Variants in COL12A1 observed in about 807,000 individuals in gnomAD.
The protein encoded by COL12A1 is collagen type XII alpha 1 chain.
In COL12A1, 114 loss-of-function variants were observed where a neutral mutation model predicts 349.7. The ratio of observed to expected loss-of-function variants is 0.33; its 90% CI spans 0.28 to 0.38. COL12A1 has a LOEUF of 0.38. Among genes scored for constraint, COL12A1 ranks in the 10% least tolerant of loss-of-function variants. The pLI, the probability that COL12A1 is intolerant of heterozygous loss-of-function variation, is 1.00. For synonymous variants in COL12A1, 1,369 were observed against 1,329.0 expected (o/e 1.03, Z -0.66); for missense variants, 3,284 against 3,756.9 (o/e 0.87, Z 3.29).
At position 75,204,932 on chromosome 6, in the gene COL12A1, C is replaced by A. The variant is rs374997949; in HGVS notation, c.-36+845G>T. On this transcript the variant is annotated intron_variant, in intron 1 of 65. Transcript: ENST00000322507. ...CACTAGAAGACTACAGAGTCCGGAT[C>A]GAGAGTCTCCCTGGCCCAGAGTCCC... Among the ~76,000 whole-genome samples, 15 of 152,174 alleles carry A rather than the reference C, an allele frequency of 9.9e-5. No homozygotes were observed. The South Asian group carries it at 1.9e-3, about 19-fold the overall frequency.
chr6:75,142,372 T>C (rs1259760305), intron 26 of COL12A1, among the ~76,000 whole-genome samples: 3 of 152,202 alleles, frequency 2.0e-5, no homozygotes, highest in African/African-American at 7.2e-5. Context: ...ATATGGCACA[T>C]GACTCTCTAG....
chr6:75,197,521 A>G (rs556051431), intron 2 of COL12A1, among the ~76,000 whole-genome samples: 42 of 152,186 alleles, frequency 2.8e-4, no homozygotes, highest in Middle Eastern at 3.4e-3. Context: ...CATGTTGGTC[A>G]GGCTGCTCTT....
rs1767940996 is a variant in COL12A1, at chr6:75,095,090, T to C, written c.8649+18A>G. The C allele has an allele frequency of 1.9e-6, 3 of 1,612,142 alleles. No homozygotes were observed. Among genetic ancestry groups the C allele is most frequent in the South Asian group, 2.2e-5 (2 of 90,818 alleles). Reference sequence around the variant, plus strand: ...ACGGTGAAACCACTGTCAGTAGACATGCAAGCTGTCCGCTTACTGGTCTGC... The same window carrying C: ...ACGGTGAAACCACTGTCAGTAGACACGCAAGCTGTCCGCTTACTGGTCTGC... On this transcript the variant is annotated intron_variant, in intron 60 of 65. Transcript: ENST00000322507.
intron 13 of COL12A1, among the ~76,000 whole-genome samples, chr6:75,173,412 T>G (rs762694879): frequency 6.6e-6 from 1 of 152,206 alleles, no homozygotes; most frequent in Non-Finnish European, 1.5e-5. Flanking sequence ...GTTTCATTCT[T>G]GTTGCCCAGC....
intron 21 of COL12A1, among the ~76,000 whole-genome samples, chr6:75,148,866 G>A (rs1767337139): frequency 6.6e-6 from 1 of 152,160 alleles, no homozygotes; most frequent in Admixed American, 6.5e-5. Context: ...TAAGTCCCAA[G>A]TGTTGTGGGA....
At position 75,124,821 on chromosome 6, in the gene COL12A1, C is replaced by T. The variant is rs190490758; in HGVS notation, c.6607+306G>A. On this transcript the variant is annotated intron_variant, in intron 40 of 65. Transcript: ENST00000322507. ...TCAAATGTCAAGAAGAACTAAGTAG[C>T]ATCACAGATCTAATTTTACAGGTCA... Among the ~76,000 whole-genome samples, 9 of 152,156 alleles carry T rather than the reference C, an allele frequency of 5.9e-5. No homozygotes were observed. In the South Asian group the frequency reaches 1.5e-3, roughly 25 times the overall value.
intron 63 of COL12A1, among the ~76,000 whole-genome samples, chr6:75,089,872 A>C (rs114408986): frequency 7.4e-4 from 112 of 152,314 alleles, no homozygotes; most frequent in African/African-American, 2.5e-3. Flanking sequence ...TTCCCATTAA[A>C]AACAACAAAA....
In COL12A1 at chr6:75,128,291, C is replaced by T. The variant is rs1218367758; in HGVS notation, c.6340+5G>A. ...AAAATAAAAGGGGGAGTACAAAACACTTACCAGTTCTTCCATTTCCTGTTA... is the reference window on the plus strand; with the variant it reads ...AAAATAAAAGGGGGAGTACAAAACATTTACCAGTTCTTCCATTTCCTGTTA... On this transcript the variant is annotated splice_donor_5th_base_variant and intron_variant, in intron 38 of 65. Transcript: ENST00000322507. 6.3e-7 allele frequency: 1 copy of T among 1,596,054 alleles called. No homozygotes were observed. Among genetic ancestry groups the T allele is most frequent in the Admixed American group, 1.8e-5 (1 of 56,980 alleles).
chr6:75,153,490 T>C (rs1240493734), intron 17 of COL12A1, among the ~76,000 whole-genome samples: 2 of 152,172 alleles, frequency 1.3e-5, no homozygotes, highest in Admixed American at 1.3e-4. Context: ...TTACCAGCTA[T>C]AAATTTTCCA....
intron 11 of COL12A1, among the ~76,000 whole-genome samples, chr6:75,178,402 C>A (rs1261166415): frequency 6.6e-6 from 1 of 152,104 alleles, no homozygotes; most frequent in Admixed American, 6.6e-5. Flanking sequence ...CCAGTCCGTC[C>A]CACACTAACT....
intron 33 of COL12A1, 30 bp from the exon 34 acceptor site, chr6:75,133,452 G>T: frequency 6.3e-7 from 1 of 1,586,092 alleles, no homozygotes; most frequent in South Asian, 1.2e-5. Context: ...AAAAAGCATT[G>T]ACTTGAAAAA....
In COL12A1 at chr6:75,138,807, A is replaced by G; in HGVS notation, c.5097+15T>C. 1 of 1,613,408 alleles carries G rather than the reference A, an allele frequency of 6.2e-7. No homozygotes were observed. The highest frequency in any genetic ancestry group is 8.5e-7 in the Non-Finnish European group (1 of 1,179,760). On this transcript the variant is annotated intron_variant, in intron 28 of 65. Transcript: ENST00000322507. The stretch of plus-strand genomic sequence containing the variant: ...GACATGAAAGACAGAGAGAAAGATA[A>G]AGAGAGTTAACTACCTCCATCTTAT...
rs748631246 is a variant in COL12A1 at position 75,130,135 on chromosome 6, T to C, written c.6166A>G (p.Arg2056Gly). 3 of 1,614,188 alleles carry C rather than the reference T, an allele frequency of 1.9e-6. No individual in the cohort carries two copies. Among genetic ancestry groups the C allele is most frequent in the Non-Finnish European group, 2.5e-6 (3 of 1,180,008 alleles). The change falls in exon 37 of 66, where the codon AGG (arginine) becomes GGG (glycine). Residue 2056 changes from arginine (R) to glycine (G), a missense_variant. Physicochemically the swap from Arg to Gly is moderately radical, Grantham distance 125 (BLOSUM62 -2). This residue lies in a region of COL12A1 where 2,601 missense variants were observed against 2,824.8 expected (regional missense o/e 0.92). Transcript: ENST00000322507. ...CCAACAGTGGGAGAATAGATGATCC[T>C]GTACTGCTGAACTGGCCCATCAGCA... ...DHADGPVQQY[R>G]IIYSPTVGDP...
At chr6:75,197,485 T>A (rs1257920720) in intron 2 of COL12A1, among the ~76,000 whole-genome samples, 3 of 152,040 alleles carry the variant, frequency 2.0e-5, no homozygotes, top group African/African-American at 7.2e-5. Context: ...GCTAATTTTG[T>A]ATTTTTAGTA....
chr6:75,198,436 T>C (rs1770344866), intron 2 of COL12A1, among the ~76,000 whole-genome samples: 1 of 151,260 alleles, frequency 6.6e-6, no homozygotes, highest in East Asian at 1.9e-4. Flanking sequence ...TGTATAATTA[T>C]ATGTGCATAT....
At chr6:75,169,563 ATTT>A (rs1204886453) in intron 13 of COL12A1, among the ~76,000 whole-genome samples, 1 of 152,072 alleles carries the variant, frequency 6.6e-6, no homozygotes, top group African/African-American at 2.4e-5. Context: ...GTTCCCCAAG[ATTT>A]ACAAATATGT....
In COL12A1 at chr6:75,156,508, T is replaced by C. The variant is rs1430079961; in HGVS notation, c.2999A>G (p.Lys1000Arg). 3 of 1,613,610 alleles carry C rather than the reference T, an allele frequency of 1.9e-6. No individual in the cohort carries two copies. Among genetic ancestry groups the C allele is most frequent in the Non-Finnish European group, 2.5e-6 (3 of 1,179,742 alleles). ...TGTTTCTTCATCTACTTTCAGGGTT[T>C]TGGAATCTTGAGATACTGGGAGATA... is the stretch of plus-strand genomic sequence containing the variant. ...DATTELSQDSKTLKVDEETEN... is the reference protein window; with the variant it reads ...DATTELSQDSRTLKVDEETEN... Residue 1000 changes from lysine (K) to arginine (R), a missense_variant, in exon 15 of 66, where the codon AAA (lysine) becomes AGA (arginine). Physicochemically the swap from Lys to Arg is conservative, Grantham distance 26 (BLOSUM62 2). This residue lies in a region of COL12A1 where 2,601 missense variants were observed against 2,824.8 expected (regional missense o/e 0.92). Coordinates refer to ENST00000322507, the MANE Select transcript of COL12A1 (RefSeq NM_004370.6).
At chr6:75,205,572 A>G (rs1436618154) in intron 1 of COL12A1, among the ~76,000 whole-genome samples, 1 of 152,152 alleles carries the variant, frequency 6.6e-6, no homozygotes, top group Non-Finnish European at 1.5e-5. Context: ...GAAAAGCAAC[A>G]TTCCCCTCTC....
At chr6:75,162,042 T>C (rs1042724636) in intron 14 of COL12A1, among the ~76,000 whole-genome samples, 1 of 152,140 alleles carries the variant, frequency 6.6e-6, no homozygotes, top group African/African-American at 2.4e-5. Flanking sequence ...CTTGTAGATA[T>C]GAAGAATCAA....
Sources: allele counts gnomAD v4.1 joint callset (sites outside exome capture counted in the v4.1 genomes callset), GRCh38; gene constraint gnomAD v4.1.1; regional missense constraint gnomAD v4.1.1; transcripts MANE v1.5; gene names NCBI Gene and HGNC (gene_info 2026-07-23, HGNC 2026-07-21).